Variants in PTP4A3 observed in about 807,000 individuals in gnomAD.
The protein encoded by PTP4A3 is protein tyrosine phosphatase 4A3, also known as protein tyrosine phosphatase type IVA 3.
Under a neutral mutation model 15.2 loss-of-function variants are expected in PTP4A3, and 9 were observed. The ratio of observed to expected loss-of-function variants is 0.59; its 90% CI spans 0.36 to 1.03. PTP4A3 has a LOEUF of 1.03. PTP4A3 is among the 50% of genes least tolerant of loss of function. The pLI is 0.02. For missense variants in PTP4A3, 234 were observed against 252.1 expected (o/e 0.93, Z 0.49); for synonymous variants, 95 against 102.0 (o/e 0.93, Z 0.41).
chr8:141,399,442 G>A (rs1278858539), intron 1 of PTP4A3, among the ~76,000 whole-genome samples: 2 of 150,194 alleles, frequency 1.3e-5, no homozygotes, highest in Admixed American at 6.6e-5. Flanking sequence ...GGGGGTGCCC[G>A]GGGCTCCCGG....
chr8:141,424,210 C>T (rs757040940), intron 2 of PTP4A3, among the ~76,000 whole-genome samples: 11 of 152,164 alleles, frequency 7.2e-5, no homozygotes, highest in African/African-American at 9.7e-5. Context: ...CCAGCAAGAC[C>T]CATCAGCTGA....
intron 5 of PTP4A3, among the ~76,000 whole-genome samples, chr8:141,429,644 G>A (rs1833757815): frequency 8.0e-6 from 1 of 124,264 alleles, no homozygotes; most frequent in South Asian, 3.0e-4. Context: ...CAGGTGGCGG[G>A]GACAGGGTGA....
Position 141,422,127 on chromosome 8 carries a change from A to C in PTP4A3, c.-114A>C. Reference sequence around the variant, plus strand: ...TTTTTAAATCTCGTTTCTCTTGGACAAGCACAGGGATCTCGTTCTCCTCAT... The same window carrying C: ...TTTTTAAATCTCGTTTCTCTTGGACCAGCACAGGGATCTCGTTCTCCTCAT... On this transcript the variant is annotated 5_prime_UTR_variant, in exon 2 of 6. Transcript: ENST00000521578. 1.0e-6 allele frequency: 1 copy of C among 978,298 alleles called. No homozygotes were observed. The allele number at this position is 978,298 out of a possible 1,614,324, so 60.6% of individuals were successfully genotyped here.
chr8:141,415,059 C>G (rs1832987205), intron 1 of PTP4A3, among the ~76,000 whole-genome samples: 1 of 152,098 alleles, frequency 6.6e-6, no homozygotes, highest in Admixed American at 6.5e-5. Flanking sequence ...CCTCCCCTGT[C>G]TCCCTGCACT....
chr8:141,413,876 CAGG>C (rs199992011), intron 1 of PTP4A3, among the ~76,000 whole-genome samples: 121 of 145,226 alleles, frequency 8.3e-4, no homozygotes, highest in African/African-American at 3.4e-3. Context: ...GCGGTATGGA[CAGG>C]AGGACATGGA....
chr8:141,426,890 T>A (rs1001443144), intron 3 of PTP4A3, 49 bp from the exon 4 acceptor site: 2 of 1,590,050 alleles, frequency 1.3e-6, no homozygotes, highest in African/African-American at 2.7e-5. Context: ...CAGAGCCGCC[T>A]CTCTACCCTC....
intron 1 of PTP4A3, among the ~76,000 whole-genome samples, chr8:141,415,144 G>A (rs558040246): frequency 1.3e-3 from 191 of 152,234 alleles, no homozygotes; most frequent in Non-Finnish European, 2.1e-3. Flanking sequence ...TGGGAGTGAA[G>A]CCGGGGCAGG....
intron 4 of PTP4A3, 67 bp downstream of exon 4, chr8:141,427,136 C>T (rs1292324524): frequency 1.9e-5 from 30 of 1,566,228 alleles, no homozygotes; most frequent in South Asian, 4.6e-5. Context: ...CTGACAGCCT[C>T]GCTTTTGGAT....
intron 1 of PTP4A3, among the ~76,000 whole-genome samples, chr8:141,413,976 G>A (rs1294548740): frequency 6.8e-6 from 1 of 146,810 alleles, no homozygotes; most frequent in Non-Finnish European, 1.5e-5. Context: ...GGCTCTGGTG[G>A]GCGTCGTGGG....
chr8:141,417,643 C>A (rs917038628), intron 1 of PTP4A3, among the ~76,000 whole-genome samples: 2 of 152,050 alleles, frequency 1.3e-5, no homozygotes, highest in African/African-American at 4.8e-5. Flanking sequence ...GGGCGCGCAC[C>A]GGGAGAGGGC....
intron 1 of PTP4A3, among the ~76,000 whole-genome samples, chr8:141,407,528 C>T (rs940337013): frequency 2.0e-5 from 3 of 151,644 alleles, no homozygotes; most frequent in African/African-American, 7.3e-5. Context: ...CGGCCCAGGA[C>T]GGCTTTGAAT....
chr8:141,419,037 T>G (rs1833195612), intron 1 of PTP4A3, among the ~76,000 whole-genome samples: 1 of 152,128 alleles, frequency 6.6e-6, no homozygotes, highest in African/African-American at 2.4e-5. Context: ...AGCCTCTCCC[T>G]GGACCCCTAA....
At chr8:141,420,754 CAG>C (rs888718598) in intron 1 of PTP4A3, among the ~76,000 whole-genome samples, 3 of 152,162 alleles carry the variant, frequency 2.0e-5, no homozygotes, top group East Asian at 1.9e-4. Context: ...CACTGGTGGA[CAG>C]GGGGCTGCTG....
chr8:141,407,927 C>A (rs750991583), intron 1 of PTP4A3, among the ~76,000 whole-genome samples: 1 of 152,156 alleles, frequency 6.6e-6, no homozygotes, highest in African/African-American at 2.4e-5. Context: ...GTTCATCAGC[C>A]ATCATTAGCG....
At chr8:141,422,957 C>T (rs1210223452) in intron 2 of PTP4A3, among the ~76,000 whole-genome samples, 1 of 152,342 alleles carries the variant, frequency 6.6e-6, no homozygotes, top group South Asian at 2.1e-4. Context: ...TGCATGGCCT[C>T]CTGGAGGAGC....
At chr8:141,414,233 C>T (rs1024888962) in intron 1 of PTP4A3, among the ~76,000 whole-genome samples, 1 of 152,232 alleles carries the variant, frequency 6.6e-6, no homozygotes, top group Non-Finnish European at 1.5e-5. Context: ...ACCGACTTGG[C>T]CTGCCATTGT....
chr8:141,399,338 G>A (rs993818048), intron 1 of PTP4A3, among the ~76,000 whole-genome samples: 7 of 152,162 alleles, frequency 4.6e-5, no homozygotes, highest in Non-Finnish European at 7.3e-5. Flanking sequence ...TGGGTCAGCC[G>A]CAGAGGCCCT....
intron 5 of PTP4A3, among the ~76,000 whole-genome samples, chr8:141,430,625 G>T (rs1268151660): frequency 6.6e-6 from 1 of 152,192 alleles, no homozygotes; most frequent in Non-Finnish European, 1.5e-5. Context: ...GTCTGCTCAT[G>T]GCCTTGGGGT....
At chr8:141,426,784 G>C (rs1833593950) in intron 3 of PTP4A3, 155 bp from the exon 4 acceptor site, 1 of 911,710 alleles carries the variant, frequency 1.1e-6, no homozygotes, top group African/African-American at 1.8e-5. Context: ...TAGGCAAGCT[G>C]TGCCCCTCCT....
Sources: allele counts gnomAD v4.1 joint callset (sites outside exome capture counted in the v4.1 genomes callset), GRCh38; gene constraint gnomAD v4.1.1; transcripts MANE v1.5; gene names NCBI Gene and HGNC (gene_info 2026-07-23, HGNC 2026-07-21).